The following SCARB2 variants were observed in gnomAD, a reference collection of about 807,000 sequenced individuals.
The protein encoded by SCARB2 is lysosome membrane protein 2.
SCARB2 carries 29 observed loss-of-function variants against 58.6 expected under a neutral mutation model. The ratio of observed to expected loss-of-function variants is 0.49; its 90% CI spans 0.37 to 0.67. The LOEUF is 0.67. SCARB2 is among the 30% of genes least tolerant of loss of function. The pLI is 0.00. For missense variants in SCARB2, 488 were observed against 578.5 expected (o/e 0.84, Z 1.60); for synonymous variants, 195 against 210.1 (o/e 0.93, Z 0.62).
At chr4:76,215,300 T>G (rs76810821), upstream of SCARB2, among the ~76,000 whole-genome samples, 205 of 152,350 alleles carry the variant, frequency 1.3e-3, no homozygotes, top group African/African-American at 4.8e-3. Context: ...TTAAGTAACC[T>G]AACAAGCTCA....
In SCARB2 at chr4:76,160,651, C is replaced by G. The variant is rs1169458011; in HGVS notation, c.*1062G>C. On this transcript the variant is annotated 3_prime_UTR_variant, in exon 12 of 12. Transcript: ENST00000264896. ...GAAAGAACTGAAACTGAGGAAGGAA[C>G]TTGTAAAAAGAACTTCAAAATTACC... 6.6e-6 allele frequency: 1 copy of G among 152,166 alleles called. No individual in the cohort carries two copies. Among genetic ancestry groups the G allele is most frequent in the East Asian group, 1.9e-4 (1 of 5,186 alleles). The allele number at this position is 152,166 out of a possible 1,614,324, so 9.4% of individuals were successfully genotyped here.
chr4:76,227,912 C>T (rs957283218), intron 1 of SCARB2, among the ~76,000 whole-genome samples: 3 of 152,082 alleles, frequency 2.0e-5, no homozygotes, highest in African/African-American at 2.4e-5. Context: ...ATTAAGTTTA[C>T]GTGATTTCTT....
chr4:76,170,067 C>G (rs1440011295), intron 7 of SCARB2, 82 bp from the exon 8 acceptor site: 5 of 1,267,826 alleles, frequency 3.9e-6, no homozygotes, highest in South Asian at 3.6e-5. Flanking sequence ...CTGGCCACAG[C>G]CTGGTTCCTA....
chr4:76,229,541 A>G (rs1733457447), intron 1 of SCARB2, among the ~76,000 whole-genome samples: 1 of 152,164 alleles, frequency 6.6e-6, no homozygotes, highest in Admixed American at 6.5e-5. Context: ...TGATCCCTTG[A>G]TGTGGTATGC....
chr4:76,227,946 G>A (rs4859430), intron 1 of SCARB2, among the ~76,000 whole-genome samples: 22,823 of 152,186 alleles, frequency 0.15, 2,046 homozygotes, highest in East Asian at 0.35. Flanking sequence ...GTCTCTTGAA[G>A]ACAGCAGATA....
In SCARB2 at chr4:76,159,047, A is replaced by T. The variant is rs1220008232; in HGVS notation, c.*2666T>A. Reference sequence around the variant, plus strand: ...TGACCATTAGTGATCTTTCTAGAACATGAGGAAATCAAGTCTGGTTAGAAA... The same window carrying T: ...TGACCATTAGTGATCTTTCTAGAACTTGAGGAAATCAAGTCTGGTTAGAAA... On this transcript the variant is annotated 3_prime_UTR_variant, in exon 12 of 12. Transcript: ENST00000264896. The T allele has an allele frequency of 6.6e-6, 1 of 152,226 alleles. No individual in the cohort carries two copies. The highest frequency in any genetic ancestry group is 1.5e-5 in the Non-Finnish European group (1 of 68,046). 9.4% of individuals were successfully genotyped at this position (152,226 alleles called of 1,614,324 possible).
intron 2 of SCARB2, among the ~76,000 whole-genome samples, chr4:76,181,800 A>G (rs1732392404): frequency 6.6e-6 from 1 of 152,142 alleles, no homozygotes; most frequent in South Asian, 2.1e-4. Context: ...TCCTGGACTC[A>G]AGTGATCCTC....
intron 2 of SCARB2, among the ~76,000 whole-genome samples, chr4:76,183,123 G>A (rs1007391933): frequency 8.5e-5 from 13 of 152,208 alleles, no homozygotes; most frequent in African/African-American, 2.9e-4. Flanking sequence ...ATCTTCTCCA[G>A]TAGAAAAAAC....
At position 76,169,947 on chromosome 4, in the gene SCARB2, C is replaced by T; in HGVS notation, c.1033G>A (p.Ala345Thr). The T allele has an allele frequency of 1.2e-6, 2 of 1,613,964 alleles. No homozygotes were observed. Among genetic ancestry groups the T allele is most frequent in the South Asian group, 2.2e-5 (2 of 91,074 alleles). ...ATGGCAGAAACAAACCTCTCATCTGCTTGGTAAAAGTGTGGGAAAGACATA... is the reference window on the plus strand; with the variant it reads ...ATGGCAGAAACAAACCTCTCATCTGTTTGGTAAAAGTGTGGGAAAGACATA... The part of the protein sequence containing the change: ...IIMSFPHFYQ[A>T]DERFVSAIEG... The change falls in exon 8 of 12, where the codon GCA becomes ACA. Residue 345 changes from alanine (A) to threonine (T), a missense_variant. Coordinates refer to ENST00000264896, the MANE Select transcript of SCARB2 (RefSeq NM_005506.4).
intron 1 of SCARB2, among the ~76,000 whole-genome samples, chr4:76,207,132 A>C (rs2109968789): frequency 6.6e-6 from 1 of 152,366 alleles, no homozygotes; most frequent in East Asian, 1.9e-4. Flanking sequence ...CACAAGGTCA[A>C]AACTATTTTA....
chr4:76,186,321 G>T (rs909607553), intron 2 of SCARB2, among the ~76,000 whole-genome samples: 1 of 152,230 alleles, frequency 6.6e-6, no homozygotes, highest in Admixed American at 6.5e-5. Context: ...CATGTGGGGA[G>T]TGAGAAAGCT....
intron 10 of SCARB2, chr4:76,164,105 T>C (rs1731952788): frequency 6.5e-6 from 1 of 153,452 alleles, no homozygotes; most frequent in Non-Finnish European, 1.4e-5. Context: ...AGAATAACAC[T>C]TAGTGTATGC....
At chr4:76,225,423 T>C (rs1394846639) in intron 1 of SCARB2, among the ~76,000 whole-genome samples, 1 of 152,226 alleles carries the variant, frequency 6.6e-6, no homozygotes, top group Non-Finnish European at 1.5e-5. Context: ...TCTAGTACAA[T>C]GTTGAATAGC....
At chr4:76,231,514 C>G (rs1733491932) in intron 1 of SCARB2, among the ~76,000 whole-genome samples, 1 of 137,900 alleles carries the variant, frequency 7.3e-6, no homozygotes, top group Non-Finnish European at 1.6e-5. Context: ...CTCGCCAGTC[C>G]TCATTTTTGT....
At chr4:76,167,649 T>G (rs1214068572) in intron 9 of SCARB2, among the ~76,000 whole-genome samples, 1 of 145,372 alleles carries the variant, frequency 6.9e-6, no homozygotes, top group Non-Finnish European at 1.5e-5. Flanking sequence ...TCTCAGGTAT[T>G]TCCTTTCCTT....
chr4:76,214,462 T>C (rs991636636), upstream of SCARB2: 9 of 367,564 alleles, frequency 2.4e-5, no homozygotes, highest in African/African-American at 4.3e-5. Context: ...GCAAAACCTG[T>C]AGGAAGCAAG....
rs534386979 is a variant in SCARB2, at chr4:76,188,594, C to T, written c.275+7113G>A. Among the ~76,000 whole-genome samples the T allele has an allele frequency of 2.8e-4, 42 of 152,366 alleles. No homozygotes were observed. The South Asian group carries it at 8.1e-3, about 29-fold the overall frequency. ...GAAAGGGGCTACATGCCCTCCCCTT[C>T]CTTTGCCCCAGGCCCCCTGGCATAC... On this transcript the variant is annotated intron_variant, in intron 2 of 11. Transcript: ENST00000264896.
At chr4:76,178,181 T>C (rs1293042468) in intron 4 of SCARB2, among the ~76,000 whole-genome samples, 1 of 152,222 alleles carries the variant, frequency 6.6e-6, no homozygotes, top group Non-Finnish European at 1.5e-5. Flanking sequence ...CAAGTTATAC[T>C]TCTTAAGGGC....
Position 76,213,470 on chromosome 4 carries a change from A to G in SCARB2, c.74T>C (p.Val25Ala). ...LLLVTSVTLL[V>A]ARVFQKAVDQ... ...TACAGCCTTCTGGAAGACCCGGGCC[A>G]CCAGCAGCGTGACGCTGGTCACCAG... is the stretch of plus-strand genomic sequence containing the variant. Residue 25 changes from valine (V) to alanine (A), a missense_variant, in exon 1 of 12, where the codon GTG becomes GCG. By Grantham distance (64) the Val-to-Ala change is moderately conservative. Coordinates refer to ENST00000264896, the MANE Select transcript of SCARB2 (RefSeq NM_005506.4). 6.2e-7 allele frequency: 1 copy of G among 1,610,850 alleles called. No homozygotes were observed. Among genetic ancestry groups the G allele is most frequent in the Non-Finnish European group, 8.5e-7 (1 of 1,178,570 alleles).
Sources: allele counts gnomAD v4.1 joint callset (sites outside exome capture counted in the v4.1 genomes callset), GRCh38; gene constraint gnomAD v4.1.1; transcripts MANE v1.5; gene names NCBI Gene and HGNC (gene_info 2026-07-23, HGNC 2026-07-21).